The following ITGB6 variants were observed in gnomAD, a reference collection of about 807,000 sequenced individuals.
ITGB6 encodes the protein integrin beta-6.
Under a neutral mutation model 84.5 loss-of-function variants are expected in ITGB6, and 80 were observed. The observed-to-expected ratio is 0.95, with a 90% CI of 0.79 to 1.14. ITGB6 has a LOEUF of 1.14. ITGB6 is among the 50% of genes most tolerant of loss of function. The pLI is 0.00. For missense variants in ITGB6, 1,006 were observed against 968.0 expected, an observed-to-expected ratio of 1.04 and a Z score of -0.52; for synonymous variants, 383 against 354.9, an observed-to-expected ratio of 1.08 and a Z score of -0.89.
At chr2:160,169,117 A>G in intron 7 of ITGB6, 95 bp downstream of exon 7, 1 of 710,740 alleles carries the variant, frequency 1.4e-6, no homozygotes. Flanking sequence ...ATGATTATCT[A>G]ATGGCCTTCC....
chr2:160,129,164 C>G (rs973851775), intron 10 of ITGB6, among the ~76,000 whole-genome samples: 1 of 152,178 alleles, frequency 6.6e-6, no homozygotes, highest in African/African-American at 2.4e-5. Context: ...GACACTTTTG[C>G]TGTAGACAAG....
rs10203677 is a variant in ITGB6 at position 160,161,711 on chromosome 2, G to A, written c.1017+7501C>T. Among the ~76,000 whole-genome samples the A allele has an allele frequency of 4.8e-3, 732 of 152,078 alleles. 7 individuals carry two copies. Among genetic ancestry groups the A allele is most frequent in the African/African-American group, 0.017 (705 of 41,472 alleles). ...CTCCTCACTTTTCTTTTTGCAAATAGTATATATTAGTTTTATAATCAGAAA... is the reference window on the plus strand; with the variant it reads ...CTCCTCACTTTTCTTTTTGCAAATAATATATATTAGTTTTATAATCAGAAA... On this transcript the variant is annotated intron_variant, in intron 7 of 14. Coordinates refer to ENST00000283249, the MANE Select transcript of ITGB6 (RefSeq NM_000888.5).
chr2:160,161,342 C>T lies in ITGB6; in HGVS notation c.1017+7870G>A, dbSNP rs185483999. On this transcript the variant is annotated intron_variant, in intron 7 of 14. Coordinates refer to ENST00000283249, the MANE Select transcript of ITGB6 (RefSeq NM_000888.5). ...AAAAGTTTGAACATACTTAATTGTA[C>T]GATTAAGGCATGACGTCGACTCACT... 5.3e-5 allele frequency among the ~76,000 whole-genome samples: 8 copies of T among 152,148 alleles called. No homozygotes were observed. In the East Asian group the frequency reaches 1.2e-3, roughly 22 times the overall value.
intron 7 of ITGB6, among the ~76,000 whole-genome samples, chr2:160,157,329 T>C (rs1182988646): frequency 4.6e-5 from 7 of 152,188 alleles, no homozygotes; most frequent in Non-Finnish European, 1.0e-4. Flanking sequence ...ATTCAAACCA[T>C]AACACTGCAC....
At chr2:160,187,297 T>A (rs748074989) in intron 4 of ITGB6, among the ~76,000 whole-genome samples, 1 of 152,162 alleles carries the variant, frequency 6.6e-6, no homozygotes, top group African/African-American at 2.4e-5. Flanking sequence ...AAATCACACA[T>A]TGGTTAAAAA....
chr2:160,107,502 A>G (rs1215597891), intron 14 of ITGB6, among the ~76,000 whole-genome samples, 177 bp downstream of exon 14: 1 of 152,206 alleles, frequency 6.6e-6, no homozygotes, highest in African/African-American at 2.4e-5. Context: ...TATGAGGGTC[A>G]TCTGGACCTT....
At position 160,120,247 on chromosome 2, in the gene ITGB6, G is replaced by T. The variant is rs1023417292; in HGVS notation, c.1981+3544C>A. Among the ~76,000 whole-genome samples the T allele has an allele frequency of 1.0e-3, 155 of 150,920 alleles. 1 individual carries two copies. Among genetic ancestry groups the T allele is most frequent in the Middle Eastern group, 3.4e-3 (1 of 292 alleles). ...GTTTATTGTGGCACTATTTACAATAGCAAAGACTTGGAACCAACCCAAATG... is the reference window on the plus strand; with the variant it reads ...GTTTATTGTGGCACTATTTACAATATCAAAGACTTGGAACCAACCCAAATG... On this transcript the variant is annotated intron_variant, in intron 12 of 14. Coordinates refer to ENST00000283249, the MANE Select transcript of ITGB6 (RefSeq NM_000888.5).
chr2:160,119,547 T>C (rs1682937078), intron 12 of ITGB6, among the ~76,000 whole-genome samples: 1 of 151,844 alleles, frequency 6.6e-6, no homozygotes, highest in Admixed American at 6.6e-5. Flanking sequence ...ATGTTAGACC[T>C]AAAACCATAA....
At chr2:160,149,705 T>C (rs1212390095) in intron 7 of ITGB6, among the ~76,000 whole-genome samples, 2 of 152,080 alleles carry the variant, frequency 1.3e-5, no homozygotes, top group Non-Finnish European at 2.9e-5. Flanking sequence ...GCTAAAAACC[T>C]TGAAAAAAGA....
chr2:160,186,386 C>T (rs1685898458), intron 4 of ITGB6, among the ~76,000 whole-genome samples: 1 of 151,926 alleles, frequency 6.6e-6, no homozygotes, highest in South Asian at 2.1e-4. Context: ...CACTGGTCAT[C>T]AGAGAAATGC....
rs546343329 is a variant in ITGB6 at position 160,124,638 on chromosome 2, C to T, written c.1884-750G>A. On this transcript the variant is annotated intron_variant, in intron 11 of 14. Transcript: ENST00000283249. ...GATTGTGCTTGTTGTAATTCAAAAA[C>T]TGCAAAAGTTTTCTTACTGTGGACA... Among the ~76,000 whole-genome samples the T allele has an allele frequency of 6.6e-5, 10 of 152,330 alleles. No individual in the cohort carries two copies. The South Asian group carries it at 2.1e-3, about 32-fold the overall frequency.
intron 10 of ITGB6, among the ~76,000 whole-genome samples, chr2:160,132,748 G>A (rs560472292): frequency 6.6e-6 from 1 of 152,040 alleles, no homozygotes; most frequent in Non-Finnish European, 1.5e-5. Flanking sequence ...ATAAAAGAAT[G>A]ATTTTACAAT....
At chr2:160,128,642 TG>T (rs1683332179) in intron 10 of ITGB6, among the ~76,000 whole-genome samples, 1 of 152,118 alleles carries the variant, frequency 6.6e-6, no homozygotes. Context: ...TGGGTGCGAT[TG>T]GTGCCAGGCG....
intron 7 of ITGB6, among the ~76,000 whole-genome samples, chr2:160,148,723 G>GA (rs1684291119): frequency 1.3e-5 from 2 of 152,160 alleles, no homozygotes. Flanking sequence ...AGACTACCTG[G>GA]AAAAACGGGA....
chr2:160,154,299 T>G (rs1684541696), intron 7 of ITGB6, among the ~76,000 whole-genome samples: 1 of 152,152 alleles, frequency 6.6e-6, no homozygotes, highest in Non-Finnish European at 1.5e-5. Flanking sequence ...TGGATGAAGC[T>G]GGAACCCATC....
chr2:160,151,873 T>C (rs1322598718), intron 7 of ITGB6, among the ~76,000 whole-genome samples: 1 of 152,112 alleles, frequency 6.6e-6, no homozygotes, highest in Non-Finnish European at 1.5e-5. Context: ...CCTGGACACA[T>C]ACACCCTCCC....
Position 160,196,327 on chromosome 2 carries a change from C to A in ITGB6, c.235G>T (p.Val79Phe), listed in dbSNP as rs1686334684. 6.2e-7 allele frequency: 1 copy of A among 1,614,054 alleles called. No individual in the cohort carries two copies. The highest frequency in any genetic ancestry group is 8.5e-7 in the Non-Finnish European group (1 of 1,179,990). The stretch of plus-strand genomic sequence containing the variant: ...TTTTTAAGTATTTCTACTTGGGAGA[C>A]AGGGTTTTCGATGAAGTTTAATTGA... ...GCQLNFIENP[V>F]SQVEILKNKP... The change falls in exon 3 of 15, where the codon GTC becomes TTC. Residue 79 changes from valine (V) to phenylalanine (F), a missense_variant. Val to Phe is a conservative substitution (Grantham distance 50). Coordinates refer to ENST00000283249, the MANE Select transcript of ITGB6 (RefSeq NM_000888.5).
chr2:160,166,859 G>A (rs1017543074), intron 7 of ITGB6, among the ~76,000 whole-genome samples: 6 of 152,226 alleles, frequency 3.9e-5, no homozygotes, highest in African/African-American at 1.4e-4. Flanking sequence ...TTACAACAAT[G>A]TACAGGCACA....
intron 7 of ITGB6, among the ~76,000 whole-genome samples, chr2:160,145,053 C>G (rs1301557621): frequency 6.6e-6 from 1 of 152,208 alleles, no homozygotes. Context: ...ATTATGATTA[C>G]TGTAAATATC....
Sources: gnomAD v4.1 joint callset for allele counts (sites outside exome capture counted in the v4.1 genomes callset) on GRCh38, gnomAD v4.1.1 for gene constraint, MANE v1.5 for transcripts, NCBI Gene and HGNC (gene_info 2026-07-23, HGNC 2026-07-21) for gene names.